Variants in CREB1 observed in about 807,000 individuals in gnomAD.
CREB1 encodes cAMP responsive element binding protein 1.
CREB1 carries 2 observed loss-of-function variants against 42.0 expected under a neutral mutation model. The observed-to-expected ratio is 0.05, with a 90% CI of 0.02 to 0.15. The LOEUF (loss-of-function observed/expected upper bound fraction) is 0.15, where lower values mean the gene tolerates loss of function less well. CREB1 is among the 10% of genes least tolerant of loss of function. CREB1 has a pLI of 1.00. For synonymous variants in CREB1, 123 were observed against 139.9 expected, an observed-to-expected ratio of 0.88 and a Z score of 0.85; for missense variants, 199 against 388.9, an observed-to-expected ratio of 0.51 and a Z score of 4.11.
intron 2 of CREB1, among the ~76,000 whole-genome samples, chr2:207,556,430 C>G (rs1006408879): frequency 6.6e-6 from 1 of 152,072 alleles, no homozygotes; most frequent in Non-Finnish European, 1.5e-5. Context: ...AGTGTGATAC[C>G]GTCTCTTTCA....
chr2:207,572,158 G>A (rs1443764808), intron 5 of CREB1, among the ~76,000 whole-genome samples: 6 of 151,152 alleles, frequency 4.0e-5, no homozygotes, highest in African/African-American at 7.3e-5. Context: ...CCCAGGAGGC[G>A]GAGCTGGCAG....
chr2:207,530,708 C>T (rs1408540525), intron 1 of CREB1, among the ~76,000 whole-genome samples: 6 of 151,906 alleles, frequency 3.9e-5, no homozygotes, highest in Non-Finnish European at 1.5e-5. Flanking sequence ...GGTGAAGGTG[C>T]CTGCTGCCTT....
chr2:207,603,627 A>T lies in CREB1; in HGVS notation c.*6569A>T, dbSNP rs557221467. 6.6e-6 allele frequency among the ~76,000 whole-genome samples: 1 copy of T among 152,224 alleles called. No individual in the cohort carries two copies. Among genetic ancestry groups the T allele is most frequent in the Non-Finnish European group, 1.5e-5 (1 of 68,026 alleles). On this transcript the variant is annotated 3_prime_UTR_variant, in exon 8 of 8. Transcript: ENST00000353267. Reference sequence around the variant, plus strand: ...TTTTCAGGACAAAACCTGTTTTTCAATAAGATTGAACAGTGCCTATTTGTG... The same window carrying T: ...TTTTCAGGACAAAACCTGTTTTTCATTAAGATTGAACAGTGCCTATTTGTG...
chr2:207,601,280 G>C lies in CREB1; in HGVS notation c.*4222G>C, dbSNP rs572132641. 8.6e-5 allele frequency: 16 copies of C among 185,190 alleles called. No individual in the cohort carries two copies. In the East Asian group the frequency reaches 1.4e-3, roughly 16 times the overall value. The allele number at this position is 185,190 out of a possible 1,614,324, so 11.5% of individuals were successfully genotyped here. ...GCACTTTTTTAAATGACCCAGTTTG[G>C]GTATTAGCAACTTAAGAAATTCCCT... On this transcript the variant is annotated 3_prime_UTR_variant, in exon 8 of 8. Transcript: ENST00000353267.
At chr2:207,567,813 T>C in intron 4 of CREB1, 1 of 265,708 alleles carries the variant, frequency 3.8e-6, no homozygotes, top group Admixed American at 4.8e-5. Flanking sequence ...GCTGTCTTTC[T>C]GTTAAAAGTT....
chr2:207,537,249 G>A (rs1213030888), intron 1 of CREB1, among the ~76,000 whole-genome samples: 1 of 151,990 alleles, frequency 6.6e-6, no homozygotes. Flanking sequence ...ATGTTGGCCA[G>A]GATGGTCTCG....
At chr2:207,540,415 C>T (rs1040300831) in intron 1 of CREB1, among the ~76,000 whole-genome samples, 27 of 151,554 alleles carry the variant, frequency 1.8e-4, no homozygotes, top group African/African-American at 5.6e-4. Flanking sequence ...CTGAGTCAGG[C>T]GGGTTGCTTG....
intron 2 of CREB1, among the ~76,000 whole-genome samples, chr2:207,557,328 TGTTTTTCAGTG>T (rs2081768221): frequency 6.6e-6 from 1 of 152,144 alleles, no homozygotes; most frequent in Non-Finnish European, 1.5e-5. Flanking sequence ...TGGTAAAGCA[TGTTTTTCAGTG>T]GTTTTATGAG....
In CREB1 at chr2:207,601,869, TTACA is replaced by T. The variant is rs994069874; in HGVS notation, c.*4817_*4820del. ...CAACTAGAACTTTTTGTTGGGAGGC[TTACA>T]TACATCTTGAATATTCTTAATGTAA... is the stretch of plus-strand genomic sequence containing the variant. On this transcript the variant is annotated 3_prime_UTR_variant, in exon 8 of 8. Coordinates refer to ENST00000353267, the MANE Select transcript of CREB1 (RefSeq NM_004379.5). 14 of 216,426 alleles carry T rather than the reference TTACA, an allele frequency of 6.5e-5. No individual in the cohort carries two copies. Among genetic ancestry groups the T allele is most frequent in the African/African-American group, 2.0e-4 (9 of 44,506 alleles). 13.4% of individuals were successfully genotyped at this position (216,426 alleles called of 1,614,324 possible). A position where few individuals can be genotyped will look rare whatever the true frequency, so the allele number is the denominator to read the frequency against.
chr2:207,586,327 C>T (rs1295916775), intron 7 of CREB1, among the ~76,000 whole-genome samples: 1 of 152,156 alleles, frequency 6.6e-6, no homozygotes, highest in Non-Finnish European at 1.5e-5. Context: ...GGAAAGGACA[C>T]TCTCTTCAAT....
At position 207,560,999 on chromosome 2, in the gene CREB1, C is replaced by G. The variant is rs2081937609; in HGVS notation, c.261+627C>G. 5.9e-6 allele frequency: 5 copies of G among 840,782 alleles called. No homozygotes were observed. In the Admixed American group the frequency reaches 1.1e-4, roughly 18 times the overall value. The allele number at this position is 840,782 out of a possible 1,614,324, so 52.1% of individuals were successfully genotyped here. ...CTTTGAAGGTGACTACTCTGTTTAA[C>G]TGTAGGGAACCGAGAGCAGTATAGA... On this transcript the variant is annotated intron_variant, in intron 3 of 7. Transcript: ENST00000353267.
chr2:207,582,809 T>A, intron 7 of CREB1: 1 of 317,838 alleles, frequency 3.1e-6, no homozygotes, highest in Non-Finnish European at 6.4e-6. Flanking sequence ...AGAAGAATTG[T>A]GCGAACCTGG....
chr2:207,571,022 C>CTTT (rs71036933), intron 5 of CREB1, among the ~76,000 whole-genome samples: 11 of 68,424 alleles, frequency 1.6e-4, no homozygotes, highest in South Asian at 7.4e-4. Context: ...CTCTTTTTCC[C>CTTT]TTTTTTTTTT....
intron 1 of CREB1, among the ~76,000 whole-genome samples, chr2:207,530,354 C>G (rs1324327737): frequency 6.7e-6 from 1 of 149,820 alleles, no homozygotes; most frequent in Non-Finnish European, 1.5e-5. Flanking sequence ...GCGGCAGCGA[C>G]TCTGCCTGCA....
At chr2:207,536,620 G>A (rs371000589) in intron 1 of CREB1, among the ~76,000 whole-genome samples, 19 of 152,172 alleles carry the variant, frequency 1.2e-4, no homozygotes, top group East Asian at 3.8e-4. Flanking sequence ...GTGTTTATGC[G>A]TTGATCATAT....
chr2:207,586,928 T>TG (rs564397050), intron 7 of CREB1, among the ~76,000 whole-genome samples: 1 of 152,150 alleles, frequency 6.6e-6, no homozygotes, highest in Non-Finnish European at 1.5e-5. Flanking sequence ...TTCCTCTTTG[T>TG]GTTAGGAAGT....
intron 3 of CREB1, among the ~76,000 whole-genome samples, chr2:207,560,652 A>G (rs2081921494): frequency 6.6e-6 from 1 of 152,254 alleles, no homozygotes. Flanking sequence ...GTTTGGGAGA[A>G]ACTGTAGGAC....
chr2:207,566,413 G>C (rs2082142597), intron 3 of CREB1, among the ~76,000 whole-genome samples: 1 of 152,184 alleles, frequency 6.6e-6, no homozygotes, highest in Admixed American at 6.5e-5. Flanking sequence ...TCAGGAAAGA[G>C]CATAACGTTT....
intron 1 of CREB1, among the ~76,000 whole-genome samples, chr2:207,540,669 T>TAAAAA (rs35714520): frequency 7.8e-5 from 5 of 64,242 alleles, no homozygotes; most frequent in Admixed American, 2.1e-4. Context: ...GTTTAAAAAG[T>TAAAAA]AAAAAAAAAA....
Sources: allele counts gnomAD v4.1 joint callset (sites outside exome capture counted in the v4.1 genomes callset), GRCh38; gene constraint gnomAD v4.1.1; transcripts MANE v1.5; gene names NCBI Gene and HGNC (gene_info 2026-07-23, HGNC 2026-07-21).